Variants in MFSD12 observed in about 807,000 individuals in gnomAD.
MFSD12 encodes the protein major facilitator superfamily domain containing 12, also known as major facilitator superfamily domain-containing protein 12.
Under a neutral mutation model 51.2 loss-of-function variants are expected in MFSD12, and 67 were observed. The ratio of observed to expected loss-of-function variants is 1.31; its 90% CI spans 1.08 to 1.60. MFSD12 has a LOEUF of 1.60. MFSD12 is among the 40% of genes most tolerant of loss of function. The pLI is 0.00. For synonymous variants in MFSD12, 441 were observed against 316.7 expected, an observed-to-expected ratio of 1.39 and a Z score of -4.17; for missense variants, 921 against 673.0, an observed-to-expected ratio of 1.37 and a Z score of -4.08.
At chr19:3,538,948 AG>A (rs1475495347) in intron 4 of MFSD12, 1 of 641,058 alleles carries the variant, frequency 1.6e-6, no homozygotes. Context: ...CTGGGGGCTC[AG>A]GGCCACGGAC....
Position 3,546,162 on chromosome 19 carries a change from C to G in MFSD12, c.1201G>C (p.Gly401Arg), listed in dbSNP as rs201875345. 3.7e-6 allele frequency: 6 copies of G among 1,612,966 alleles called. No homozygotes were observed. The highest frequency in any genetic ancestry group is 1.3e-5 in the African/African-American group (1 of 74,946). Residue 401 changes from glycine (G) to arginine (R), a missense_variant, in exon 8 of 10, where the codon GGA (glycine) becomes CGA (arginine). Physicochemically the swap from Gly to Arg is moderately radical, Grantham distance 125. Transcript: ENST00000355415. ...CTCATGGAGCCGTACACGAACGCTCCGCTGTTCTGTGGAGACACAGGCGAG... is the reference window on the plus strand; with the variant it reads ...CTCATGGAGCCGTACACGAACGCTCGGCTGTTCTGTGGAGACACAGGCGAG... ...ADLIGPHTNS[G>R]AFVYGSMSFL... is the part of the protein sequence containing the mutation.
Position 3,556,239 on chromosome 19 carries a change from C to T in MFSD12, c.298+867G>A, listed in dbSNP as rs569731783. ...CTGACTGTCCCTCAGCCATAGCTGT[C>T]CCAGTTGGTCACCCTAATAGACGAG... On this transcript the variant is annotated intron_variant, in intron 1 of 9. Coordinates refer to ENST00000355415, the MANE Select transcript of MFSD12 (RefSeq NM_174983.5). 2.0e-5 allele frequency among the ~76,000 whole-genome samples: 3 copies of T among 152,344 alleles called. No homozygotes were observed. In the East Asian group the frequency reaches 5.8e-4, roughly 29 times the overall value.
rs762540177 is a variant in MFSD12 at position 3,544,719 on chromosome 19, G to A, written c.1434C>T (p.Ala478=). ...PTRLRRWDRD[A]RP is the part of the protein sequence containing the mutation. Reference sequence around the variant, plus strand: ...AGGAGGCTGTCAGGAGTCAGGGCCGGGCATCACGGTCCCCTGCAAGGGAGG... The same window carrying A: ...AGGAGGCTGTCAGGAGTCAGGGCCGAGCATCACGGTCCCCTGCAAGGGAGG... Residue 478 remains alanine (A), a synonymous_variant, in exon 10 of 10, where the codon GCC becomes GCT. Coordinates refer to ENST00000355415, the MANE Select transcript of MFSD12 (RefSeq NM_174983.5). The A allele has an allele frequency of 3.1e-5, 50 of 1,602,482 alleles. No individual in the cohort carries two copies. Among genetic ancestry groups the A allele is most frequent in the Middle Eastern group, 3.3e-4 (2 of 6,012 alleles).
In MFSD12 at chr19:3,546,147, C is replaced by T. The variant is rs772660542; in HGVS notation, c.1216G>A (p.Gly406Ser). 19 of 1,613,176 alleles carry T rather than the reference C, an allele frequency of 1.2e-5. No homozygotes were observed. Among genetic ancestry groups the T allele is most frequent in the East Asian group, 2.2e-5 (1 of 44,886 alleles). Residue 406 changes from glycine (G) to serine (S), a missense_variant, in exon 8 of 10, where the codon GGC becomes AGC. By Grantham distance (56) the Gly-to-Ser change is moderately conservative. Transcript: ENST00000355415. Reference sequence around the variant, plus strand: ...ACCTTATCCAAGAAGCTCATGGAGCCGTACACGAACGCTCCGCTGTTCTGT... The same window carrying T: ...ACCTTATCCAAGAAGCTCATGGAGCTGTACACGAACGCTCCGCTGTTCTGT... ...PHTNSGAFVY[G>S]SMSFLDKVAN...
downstream of MFSD12, chr19:3,543,080 G>A: frequency 1.3e-6 from 2 of 1,577,816 alleles, no homozygotes; most frequent in Non-Finnish European, 1.7e-6. Flanking sequence ...TGGGGTGAGG[G>A]GTACAGGGCT....
chr19:3,542,789 T>A (rs200655965), downstream of MFSD12: 603 of 1,368,870 alleles, frequency 4.4e-4, 2 homozygotes, highest in African/African-American at 8.3e-3. Flanking sequence ...GCCTAGTGGG[T>A]CCCCCAGTCT....
At position 3,544,288 on chromosome 19, in the gene MFSD12, C is replaced by G; in HGVS notation, c.*422G>C. ...ACCACGGTGGGGTCCAGGCCCAGCC[C>G]ACCACCCCGTGGCTGTCTCCTCCAG... On this transcript the variant is annotated 3_prime_UTR_variant, in exon 10 of 10. Coordinates refer to ENST00000355415, the MANE Select transcript of MFSD12 (RefSeq NM_174983.5). 1 of 1,291,302 alleles carries G rather than the reference C, an allele frequency of 7.7e-7. No homozygotes were observed. Among genetic ancestry groups the G allele is most frequent in the Non-Finnish European group, 9.8e-7 (1 of 1,020,140 alleles). 80.0% of individuals were successfully genotyped at this position (1,291,302 alleles called of 1,614,324 possible).
At chr19:3,544,037 G>C (rs8105705), downstream of MFSD12, 18,855 of 1,509,632 alleles carry the variant, frequency 0.012, 404 homozygotes, top group African/African-American at 0.098. Flanking sequence ...TGCACCCACT[G>C]TCTCTGCACC....
intron 2 of MFSD12, among the ~76,000 whole-genome samples, chr19:3,548,584 A>G (rs1318055520): frequency 6.6e-6 from 1 of 152,124 alleles, no homozygotes; most frequent in Non-Finnish European, 1.5e-5. Context: ...AGAATTCGAG[A>G]ATTCTTCTTC....
intron 3 of MFSD12, 45 bp from the exon 4 acceptor site, chr19:3,548,075 C>T (rs375668590): frequency 1.9e-5 from 30 of 1,601,416 alleles, no homozygotes; most frequent in African/African-American, 1.3e-4. Context: ...GCCCAGCCCC[C>T]GCCCCTGGCT....
At chr19:3,555,121 G>A (rs765733939) in intron 1 of MFSD12, among the ~76,000 whole-genome samples, 1 of 152,150 alleles carries the variant, frequency 6.6e-6, no homozygotes, top group Non-Finnish European at 1.5e-5. Flanking sequence ...TGTTGTTGTT[G>A]TTTTTTGTTT....
At chr19:3,548,330 G>C in intron 2 of MFSD12, 63 bp from the exon 3 acceptor site, 3 of 1,531,220 alleles carry the variant, frequency 2.0e-6, no homozygotes, top group African/African-American at 2.8e-5. Flanking sequence ...TCCTCCCCAC[G>C]TGGCTACGCC....
intron 2 of MFSD12, among the ~76,000 whole-genome samples, chr19:3,550,517 G>C (rs769035363): frequency 2.0e-5 from 3 of 150,936 alleles, no homozygotes; most frequent in African/African-American, 4.9e-5. Flanking sequence ...TCAGCCTCCC[G>C]AGTAGCTGGG....
intron 1 of MFSD12, among the ~76,000 whole-genome samples, chr19:3,555,805 CAT>C (rs780056738): frequency 2.1e-4 from 32 of 152,346 alleles, no homozygotes; most frequent in East Asian, 3.9e-4. Context: ...TGAAATGCCA[CAT>C]GTGTCCCAAA....
downstream of MFSD12, among the ~76,000 whole-genome samples, chr19:3,541,168 CAA>C (rs1207941689): frequency 1.3e-4 from 11 of 87,168 alleles, no homozygotes; most frequent in Non-Finnish European, 1.1e-4. Flanking sequence ...GACTCTGTCT[CAA>C]AAAAAAAAAA....
At chr19:3,554,033 G>A (rs1217293506) in intron 1 of MFSD12, among the ~76,000 whole-genome samples, 1 of 151,936 alleles carries the variant, frequency 6.6e-6, no homozygotes, top group Non-Finnish European at 1.5e-5. Flanking sequence ...AGTGAGCTGA[G>A]ATCACGCCAC....
chr19:3,539,268 C>T, downstream of MFSD12: 2 of 1,539,404 alleles, frequency 1.3e-6, no homozygotes, highest in Non-Finnish European at 1.8e-6. Flanking sequence ...CAGGTGAGCC[C>T]CTCCCTACAG....
rs1028348378 is a variant in MFSD12 at position 3,557,527 on chromosome 19, G to C, written c.-124C>G. On this transcript the variant is annotated 5_prime_UTR_variant, in exon 1 of 10. Coordinates refer to ENST00000355415, the MANE Select transcript of MFSD12 (RefSeq NM_174983.5). ...CCACGCGCCGGGCACCCCGCGTCCC[G>C]CTCTCTTACGGCCGCGCCCTCACCC... The C allele has an allele frequency of 2.2e-5, 11 of 508,116 alleles. No homozygotes were observed. The South Asian group carries it at 1.0e-3, about 47-fold the overall frequency. 31.5% of individuals were successfully genotyped at this position (508,116 alleles called of 1,614,324 possible).
chr19:3,543,131 C>T, downstream of MFSD12: 1 of 1,512,208 alleles, frequency 6.6e-7, no homozygotes, highest in Non-Finnish European at 8.8e-7. Flanking sequence ...AGACCCCACG[C>T]CGTGGGCCAG....
Sources: gnomAD v4.1 joint callset for allele counts (sites outside exome capture counted in the v4.1 genomes callset) on GRCh38, gnomAD v4.1.1 for gene constraint, MANE v1.5 for transcripts, NCBI Gene and HGNC (gene_info 2026-07-23, HGNC 2026-07-21) for gene names.